SPAG16: variants seen among roughly 807,000 people sequenced by gnomAD.
SPAG16 encodes the protein sperm associated antigen 16.
Under a neutral mutation model 80.4 loss-of-function variants are expected in SPAG16, and 86 were observed. That is an observed-to-expected ratio of 1.07 (90% confidence interval 0.90 to 1.28). SPAG16 has a LOEUF of 1.28. SPAG16 is among the 50% of genes most tolerant of loss of function. The pLI is 0.00. For missense variants in SPAG16, 870 were observed against 765.3 expected, an observed-to-expected ratio of 1.14 and a Z score of -1.61; for synonymous variants, 294 against 265.9, an observed-to-expected ratio of 1.11 and a Z score of -1.03.
intron 15 of SPAG16, among the ~76,000 whole-genome samples, chr2:214,371,084 T>C (rs1156875140): frequency 6.6e-6 from 1 of 152,142 alleles, no homozygotes; most frequent in Non-Finnish European, 1.5e-5. Context: ...GAGATTAAGG[T>C]GGGCTATTAC....
chr2:214,158,849 G>A (rs563271177), intron 15 of SPAG16, among the ~76,000 whole-genome samples: 10 of 151,998 alleles, frequency 6.6e-5, no homozygotes, highest in Non-Finnish European at 1.0e-4. Flanking sequence ...ACTATATAAC[G>A]ATGCACACAG....
At chr2:214,011,973 T>C (rs1362755391) in intron 12 of SPAG16, among the ~76,000 whole-genome samples, 1 of 151,922 alleles carries the variant, frequency 6.6e-6, no homozygotes, top group Non-Finnish European at 1.5e-5. Context: ...AACTTTGATC[T>C]CAGAATGTAG....
At chr2:213,917,962 T>C (rs1004108865) in intron 11 of SPAG16, among the ~76,000 whole-genome samples, 3 of 152,150 alleles carry the variant, frequency 2.0e-5, no homozygotes. Flanking sequence ...ATGCCTAATT[T>C]ATTGAGGGTT....
intron 9 of SPAG16, among the ~76,000 whole-genome samples, chr2:213,393,574 A>C (rs1028717850): frequency 6.6e-6 from 1 of 152,048 alleles, no homozygotes; most frequent in Admixed American, 6.6e-5. Context: ...CTTGGAAATA[A>C]ACAGTGCTGC....
chr2:213,798,373 C>G (rs1194979466), intron 10 of SPAG16, among the ~76,000 whole-genome samples: 1 of 152,048 alleles, frequency 6.6e-6, no homozygotes, highest in Non-Finnish European at 1.5e-5. Context: ...CCTGCCTCAG[C>G]CTCGCTAGTA....
At chr2:213,779,120 A>G (rs1474513303) in intron 10 of SPAG16, among the ~76,000 whole-genome samples, 1 of 152,172 alleles carries the variant, frequency 6.6e-6, no homozygotes, top group Non-Finnish European at 1.5e-5. Flanking sequence ...CACTTTAAAG[A>G]GATGTATTCT....
At chr2:213,626,633 C>T (rs1417886265) in intron 10 of SPAG16, among the ~76,000 whole-genome samples, 6 of 146,794 alleles carry the variant, frequency 4.1e-5, no homozygotes, top group South Asian at 2.2e-4. Flanking sequence ...TTATTACTAT[C>T]GGGCTCAATT....
intron 15 of SPAG16, among the ~76,000 whole-genome samples, chr2:214,296,479 A>C (rs1912193): frequency 6.6e-6 from 1 of 152,148 alleles, no homozygotes; most frequent in African/African-American, 2.4e-5. Context: ...ACTGTTTTCC[A>C]TAGAGGTTTT....
chr2:213,486,804 T>C (rs2073998906), intron 9 of SPAG16, among the ~76,000 whole-genome samples: 1 of 152,080 alleles, frequency 6.6e-6, no homozygotes, highest in African/African-American at 2.4e-5. Flanking sequence ...TCATAATAAA[T>C]AAGTGGAGTA....
chr2:213,318,957 CCTTT>C (rs1482893294), intron 5 of SPAG16, among the ~76,000 whole-genome samples: 1 of 151,916 alleles, frequency 6.6e-6, no homozygotes, highest in Non-Finnish European at 1.5e-5. Context: ...TCTCTCCACA[CCTTT>C]CTTTCTTTCT....
chr2:213,863,036 T>C (rs1217454753), intron 11 of SPAG16, among the ~76,000 whole-genome samples: 1 of 152,212 alleles, frequency 6.6e-6, no homozygotes, highest in Non-Finnish European at 1.5e-5. Flanking sequence ...CTGCGATCAA[T>C]TTCTCTAAAA....
intron 11 of SPAG16, among the ~76,000 whole-genome samples, chr2:213,870,675 C>T (rs980177454): frequency 2.0e-5 from 3 of 152,160 alleles, no homozygotes; most frequent in Admixed American, 2.0e-4. Context: ...CAGCACAGTT[C>T]TGATCTCAGA....
intron 13 of SPAG16, among the ~76,000 whole-genome samples, chr2:214,035,231 T>C (rs2048629043): frequency 6.6e-6 from 1 of 152,054 alleles, no homozygotes; most frequent in East Asian, 1.9e-4. Flanking sequence ...CACTGATTAA[T>C]CTATGAGCAG....
At chr2:213,590,136 G>A (rs1247508054) in intron 10 of SPAG16, among the ~76,000 whole-genome samples, 1 of 152,022 alleles carries the variant, frequency 6.6e-6, no homozygotes, top group Non-Finnish European at 1.5e-5. Context: ...ATGAAAATCA[G>A]GCTAGAAAAT....
intron 15 of SPAG16, among the ~76,000 whole-genome samples, chr2:214,204,641 C>T (rs2058094070): frequency 6.6e-6 from 1 of 152,228 alleles, no homozygotes; most frequent in Non-Finnish European, 1.5e-5. Context: ...AGCACCACAT[C>T]AAGGGAGCAC....
At chr2:213,830,231 C>T (rs943365876) in intron 10 of SPAG16, among the ~76,000 whole-genome samples, 8 of 152,168 alleles carry the variant, frequency 5.3e-5, no homozygotes, top group Admixed American at 1.3e-4. Context: ...TAAATTCTCC[C>T]TCCATGGACA....
chr2:213,807,494 CTT>C (rs1237216395), intron 10 of SPAG16, among the ~76,000 whole-genome samples: 1 of 152,134 alleles, frequency 6.6e-6, no homozygotes, highest in Non-Finnish European at 1.5e-5. Flanking sequence ...AACAAAGTCT[CTT>C]TTATTCTAGT....
chr2:213,860,473 C>CTA (rs1302682780), intron 10 of SPAG16, among the ~76,000 whole-genome samples: 1,156 of 78,802 alleles, frequency 0.015, 26 homozygotes, highest in Non-Finnish European at 0.022. Context: ...ATATATCTAT[C>CTA]TATATATATA....
intron 15 of SPAG16, among the ~76,000 whole-genome samples, chr2:214,189,752 A>G (rs1286383023): frequency 6.6e-6 from 1 of 152,120 alleles, no homozygotes; most frequent in Non-Finnish European, 1.5e-5. Context: ...GTGCTTTTAA[A>G]AAATCAACTT....
Sources: gnomAD v4.1 joint callset for allele counts (sites outside exome capture counted in the v4.1 genomes callset) on GRCh38, gnomAD v4.1.1 for gene constraint, MANE v1.5 for transcripts, NCBI Gene and HGNC (gene_info 2026-07-23, HGNC 2026-07-21) for gene names.